CAST: variants seen among roughly 807,000 people sequenced by gnomAD.
CAST encodes the protein calpastatin.
CAST carries 76 observed loss-of-function variants against 119.6 expected under a neutral mutation model. The ratio of observed to expected loss-of-function variants is 0.64; its 90% CI spans 0.53 to 0.77. The LOEUF (loss-of-function observed/expected upper bound fraction) is 0.77. Among genes scored for constraint, CAST ranks in the 30% least tolerant of loss-of-function variants. CAST has a pLI of 0.00. For synonymous variants in CAST, 319 were observed against 331.6 expected, an observed-to-expected ratio of 0.96 and a Z score of 0.41; for missense variants, 953 against 946.5, an observed-to-expected ratio of 1.01 and a Z score of -0.09.
chr5:96,125,808 C>G, the CAST span, among the ~76,000 whole-genome samples: 3 of 152,094 alleles, frequency 2.0e-5, no homozygotes, highest in African/African-American at 7.2e-5. Context: ...AGTCTGCTCC[C>G]ACAGACTTCC....
At chr5:96,026,732 C>A in the CAST span, among the ~76,000 whole-genome samples, 1 of 152,232 alleles carries the variant, frequency 6.6e-6, no homozygotes, top group South Asian at 2.1e-4. Flanking sequence ...AGTATAAATG[C>A]AATAAGTATT....
At position 96,627,334 on chromosome 5, in the gene CAST, A is replaced by G. The variant is rs1280870749; in HGVS notation, c.61-48205A>G. On this transcript the variant is annotated intron_variant, in intron 1 of 11. Transcript: ENST00000505143. ...TGTCTACAACTCTGCAGAAGGCGAA[A>G]ATTTTGGACAGCAGAGTTTTCCAAA... Among the ~76,000 whole-genome samples the G allele has an allele frequency of 4.6e-5, 7 of 152,322 alleles. No individual in the cohort carries two copies. In the East Asian group the frequency reaches 1.4e-3, roughly 29 times the overall value.
chr5:96,390,431 C>G, the CAST span: 2 of 152,274 alleles, frequency 1.3e-5, no homozygotes, highest in Admixed American at 1.3e-4. Context: ...GTCAATACAT[C>G]AAATGTATAA....
chr5:96,186,798 G>A, the CAST span, among the ~76,000 whole-genome samples: 54 of 152,200 alleles, frequency 3.5e-4, no homozygotes, highest in South Asian at 3.7e-3. Flanking sequence ...AAGGATATTC[G>A]CCTGAAGCTT....
the CAST span, among the ~76,000 whole-genome samples, chr5:96,478,576 G>A: frequency 6.6e-6 from 1 of 152,110 alleles, no homozygotes; most frequent in Non-Finnish European, 1.5e-5. Context: ...TCTTTCTGTT[G>A]GTTAATTATT....
the CAST span, among the ~76,000 whole-genome samples, chr5:96,311,051 A>T: frequency 6.6e-6 from 1 of 151,588 alleles, no homozygotes; most frequent in Non-Finnish European, 1.5e-5. Context: ...TTCTTTTATG[A>T]TGTAGGCATT....
At chr5:96,020,609 C>G in the CAST span, among the ~76,000 whole-genome samples, 1 of 152,180 alleles carries the variant, frequency 6.6e-6, no homozygotes, top group Non-Finnish European at 1.5e-5. Context: ...AGGTTGCATG[C>G]TCTTTGCGAG....
At position 96,765,287 on chromosome 5, in the gene CAST, G is replaced by A. The variant is rs1769462014; in HGVS notation, c.1999G>A (p.Asp667Asn). ...LSDSLGQRQP[D>N]PDENKPMEDK... ...TGACAGTCTAGGACAAAGGCAGCCT[G>A]ACCCAGATGAGAACAAACCAATGGA... The change falls in exon 26 of 32, where the codon GAC becomes AAC. Residue 667 changes from aspartate (D) to asparagine (N), a missense_variant. Asp to Asn is a conservative substitution (Grantham distance 23, BLOSUM62 1). Transcript: ENST00000675179. 1 of 1,531,860 alleles carries A rather than the reference G, an allele frequency of 6.5e-7. No individual in the cohort carries two copies. The highest frequency in any genetic ancestry group is 8.9e-7 in the Non-Finnish European group (1 of 1,122,864). The allele number at this position is 1,531,860 out of a possible 1,614,324, so 94.9% of individuals were successfully genotyped here.
chr5:96,722,927 A>C (rs1224536632), intron 4 of CAST, among the ~76,000 whole-genome samples: 1 of 151,058 alleles, frequency 6.6e-6, no homozygotes, highest in East Asian at 2.0e-4. Flanking sequence ...AAGTAGAGTC[A>C]CCTAGAGTTG....
At chr5:96,177,549 G>C in the CAST span, among the ~76,000 whole-genome samples, 2 of 152,164 alleles carry the variant, frequency 1.3e-5, no homozygotes, top group African/African-American at 4.8e-5. Context: ...GCATGTGCTA[G>C]AACAAGCCTC....
At chr5:96,055,239 A>G in the CAST span, among the ~76,000 whole-genome samples, 1 of 152,010 alleles carries the variant, frequency 6.6e-6, no homozygotes, top group Non-Finnish European at 1.5e-5. Context: ...CGCTCCCCCA[A>G]ATCATATTGA....
chr5:96,472,779 T>A, the CAST span, among the ~76,000 whole-genome samples: 1 of 152,012 alleles, frequency 6.6e-6, no homozygotes, highest in Non-Finnish European at 1.5e-5. Flanking sequence ...TTCTAAACAA[T>A]GTAGGCATGA....
chr5:96,559,427 T>C (rs1189710049), intron 1 of CAST, among the ~76,000 whole-genome samples: 1 of 152,204 alleles, frequency 6.6e-6, no homozygotes, highest in Non-Finnish European at 1.5e-5. Flanking sequence ...TGTCCCTGTT[T>C]GCAGATGACA....
At chr5:96,230,389 G>C in the CAST span, among the ~76,000 whole-genome samples, 3 of 152,112 alleles carry the variant, frequency 2.0e-5, no homozygotes, top group Non-Finnish European at 4.4e-5. Context: ...TGTGGTTAGT[G>C]TTAATGCCCA....
At chr5:96,047,388 T>A in the CAST span, among the ~76,000 whole-genome samples, 1 of 152,160 alleles carries the variant, frequency 6.6e-6, no homozygotes, top group Admixed American at 6.5e-5. Flanking sequence ...ATTTTTGAAG[T>A]GTTTGTTTTT....
the CAST span, among the ~76,000 whole-genome samples, chr5:96,108,974 G>A: frequency 3.5e-4 from 54 of 152,378 alleles, no homozygotes; most frequent in Non-Finnish European, 7.3e-5. Flanking sequence ...TTGGGTGGGA[G>A]TGACCCGATT....
chr5:96,422,021 C>CA, the CAST span: 2 of 672,800 alleles, frequency 3.0e-6, no homozygotes, highest in Non-Finnish European at 2.4e-6. Context: ...AAAAAAAAAG[C>CA]ATCACTTCCC....
chr5:95,975,653 G>T, the CAST span, among the ~76,000 whole-genome samples: 1 of 152,164 alleles, frequency 6.6e-6, no homozygotes, highest in Non-Finnish European at 1.5e-5. Context: ...TGTGAACTAA[G>T]ATATAACATG....
chr5:96,656,441 G>A (rs1748159829), intron 1 of CAST, among the ~76,000 whole-genome samples: 2 of 152,194 alleles, frequency 1.3e-5, no homozygotes, highest in South Asian at 4.1e-4. Flanking sequence ...AAGGTCGTAA[G>A]GAAGCTCAGC....
Sources: gnomAD v4.1 joint callset for allele counts (sites outside exome capture counted in the v4.1 genomes callset) on GRCh38, gnomAD v4.1.1 for gene constraint, MANE v1.5 for transcripts, NCBI Gene and HGNC (gene_info 2026-07-23, HGNC 2026-07-21) for gene names.